ZMAT4: variants seen among roughly 807,000 people sequenced by gnomAD.
The protein encoded by ZMAT4 is zinc finger matrin-type protein 4.
Under a neutral mutation model 28.7 loss-of-function variants are expected in ZMAT4, and 17 were observed. The ratio of observed to expected loss-of-function variants is 0.59; its 90% confidence interval spans 0.41 to 0.89. ZMAT4 has a LOEUF of 0.89. Ranked by LOEUF, ZMAT4 falls within the 40% of genes least tolerant of loss-of-function variation. The pLI is 0.00. For missense variants in ZMAT4, 240 were observed against 283.8 expected (o/e 0.85, Z 1.11); for synonymous variants, 117 against 109.2 (o/e 1.07, Z -0.44).
intron 5 of ZMAT4, among the ~76,000 whole-genome samples, chr8:40,638,129 T>G (rs1806865232): frequency 6.6e-6 from 1 of 152,216 alleles, no homozygotes; most frequent in East Asian, 1.9e-4. Flanking sequence ...GAGGAAGAGG[T>G]TCTCGTGATC....
intron 2 of ZMAT4, among the ~76,000 whole-genome samples, chr8:40,801,128 G>A (rs888753959): frequency 3.3e-5 from 5 of 151,092 alleles, no homozygotes; most frequent in African/African-American, 4.9e-5. Flanking sequence ...AGATGAAATG[G>A]GACCAATTTC....
At chr8:40,570,315 G>C (rs1213134054) in intron 6 of ZMAT4, among the ~76,000 whole-genome samples, 1 of 152,162 alleles carries the variant, frequency 6.6e-6, no homozygotes, top group Non-Finnish European at 1.5e-5. Context: ...TGGTTGCATG[G>C]TGTAGATGAC....
rs899591269 is a variant in ZMAT4, at chr8:40,766,081, G to A, written c.192+1560C>T. On this transcript the variant is annotated intron_variant, in intron 3 of 6. Coordinates refer to ENST00000297737, the MANE Select transcript of ZMAT4 (RefSeq NM_024645.3). ...TGGTATCCTCCTCCCTCCCTCCTGCGGCCTCCATCTGGTAAAATCCATTCA... is the reference window on the plus strand; with the variant it reads ...TGGTATCCTCCTCCCTCCCTCCTGCAGCCTCCATCTGGTAAAATCCATTCA... Among the ~76,000 whole-genome samples, 23 of 152,126 alleles carry A rather than the reference G, an allele frequency of 1.5e-4. No homozygotes were observed. The East Asian group carries it at 3.5e-3, about 23-fold the overall frequency.
chr8:40,821,287 C>A (rs1348898568), intron 2 of ZMAT4, among the ~76,000 whole-genome samples: 3 of 152,026 alleles, frequency 2.0e-5, no homozygotes, highest in Admixed American at 6.6e-5. Context: ...GTTTTTTTAC[C>A]CCCGTAACGC....
chr8:40,730,200 C>T (rs967891066), intron 3 of ZMAT4, among the ~76,000 whole-genome samples: 1 of 152,264 alleles, frequency 6.6e-6, no homozygotes, highest in Non-Finnish European at 1.5e-5. Context: ...TTCCCAGTCC[C>T]TTTAAATGTT....
At chr8:40,638,985 GT>G (rs1187622613) in intron 5 of ZMAT4, among the ~76,000 whole-genome samples, 3 of 152,202 alleles carry the variant, frequency 2.0e-5, no homozygotes, top group African/African-American at 7.2e-5. Context: ...CTTAGTCACA[GT>G]AGCCTTGCTG....
At chr8:40,772,902 C>T (rs890282710) in intron 2 of ZMAT4, among the ~76,000 whole-genome samples, 3 of 152,154 alleles carry the variant, frequency 2.0e-5, no homozygotes, top group Non-Finnish European at 2.9e-5. Flanking sequence ...ATCTAGAACA[C>T]GGGTTCCTGC....
intron 2 of ZMAT4, among the ~76,000 whole-genome samples, chr8:40,822,496 G>A (rs1204295043): frequency 6.6e-6 from 1 of 152,166 alleles, no homozygotes; most frequent in Non-Finnish European, 1.5e-5. Flanking sequence ...CACTCCATAA[G>A]TCACTGCAGC....
At chr8:40,597,890 G>T (rs1321626287) in intron 5 of ZMAT4, among the ~76,000 whole-genome samples, 2 of 152,146 alleles carry the variant, frequency 1.3e-5, no homozygotes, top group Non-Finnish European at 2.9e-5. Context: ...AATTTATCAA[G>T]CTATTATTTG....
At chr8:40,896,889 C>T (rs1818896301) in intron 1 of ZMAT4, among the ~76,000 whole-genome samples, 2 of 152,260 alleles carry the variant, frequency 1.3e-5, no homozygotes, top group South Asian at 4.2e-4. Context: ...GGGGATGCTC[C>T]GGGCCAGGCA....
intron 4 of ZMAT4, among the ~76,000 whole-genome samples, chr8:40,675,766 C>A (rs1585861139): frequency 6.6e-6 from 1 of 152,186 alleles, no homozygotes; most frequent in Admixed American, 6.5e-5. Context: ...TTATTGTCAG[C>A]TGCTTCAGTT....
intron 2 of ZMAT4, among the ~76,000 whole-genome samples, chr8:40,782,572 G>A (rs1813884381): frequency 6.6e-6 from 1 of 152,098 alleles, no homozygotes; most frequent in East Asian, 1.9e-4. Context: ...ATGGGCAAAG[G>A]ACTTAGTTAA....
At chr8:40,630,564 A>T (rs1260735093) in intron 5 of ZMAT4, among the ~76,000 whole-genome samples, 2 of 152,216 alleles carry the variant, frequency 1.3e-5, no homozygotes, top group African/African-American at 2.4e-5. Flanking sequence ...AGTGGGAAGT[A>T]TTTGGCAGTG....
chr8:40,582,106 C>T (rs1385923548), intron 5 of ZMAT4, among the ~76,000 whole-genome samples: 5 of 152,126 alleles, frequency 3.3e-5, no homozygotes, highest in Non-Finnish European at 5.9e-5. Context: ...ATTCTGACTC[C>T]GGTCATTTCT....
At chr8:40,792,479 G>GGAA (rs1814375366) in intron 2 of ZMAT4, among the ~76,000 whole-genome samples, 1 of 5,088 alleles carries the variant, frequency 2.0e-4, no homozygotes, top group East Asian at 0.011. Flanking sequence ...TATTCAGGAA[G>GGAA]GAAGGAAGGA....
At chr8:40,880,576 G>A (rs190312555) in intron 1 of ZMAT4, among the ~76,000 whole-genome samples, 8 of 152,108 alleles carry the variant, frequency 5.3e-5, no homozygotes, top group Non-Finnish European at 8.8e-5. Context: ...GGTGATAAGT[G>A]CTTGCCTTGA....
intron 3 of ZMAT4, among the ~76,000 whole-genome samples, chr8:40,701,780 A>T (rs1415218345): frequency 6.6e-6 from 1 of 152,060 alleles, no homozygotes; most frequent in African/African-American, 2.4e-5. Context: ...GGCCTCCCAA[A>T]GTGCTGGGAT....
chr8:40,611,226 G>A (rs1015005212), intron 5 of ZMAT4, among the ~76,000 whole-genome samples: 2 of 152,142 alleles, frequency 1.3e-5, no homozygotes, highest in African/African-American at 4.8e-5. Context: ...CAAAAATACA[G>A]GCCTAGCATA....
intron 2 of ZMAT4, among the ~76,000 whole-genome samples, chr8:40,790,682 T>C (rs11989607): frequency 0.27 from 41,305 of 152,096 alleles, 5,830 homozygotes; most frequent in East Asian, 0.34. Flanking sequence ...ATTAAAGACT[T>C]GATATTGTTA....
Sources: allele counts gnomAD v4.1 joint callset (sites outside exome capture counted in the v4.1 genomes callset), GRCh38; gene constraint gnomAD v4.1.1; transcripts MANE v1.5; gene names NCBI Gene and HGNC (gene_info 2026-07-23, HGNC 2026-07-21).